The following APPL2 variants were observed in gnomAD, a reference collection of about 807,000 sequenced individuals.
APPL2 encodes adaptor protein, phosphotyrosine interacting with PH domain and leucine zipper 2.
Under a neutral mutation model 92.7 loss-of-function variants are expected in APPL2, and 84 were observed. The ratio of observed to expected loss-of-function variants is 0.91; its 90% CI spans 0.76 to 1.09. The LOEUF (loss-of-function observed/expected upper bound fraction) is 1.09, where lower values mean the gene tolerates loss of function less well. APPL2 is among the 50% of genes least tolerant of loss of function. The pLI is 0.00. For synonymous variants in APPL2, 291 were observed against 291.0 expected (o/e 1.00, Z 0.00); for missense variants, 736 against 824.5 (o/e 0.89, Z 1.31).
Position 105,236,174 on chromosome 12 carries a change from T to G in APPL2, c.-162A>C, listed in dbSNP as rs867204480. The G allele has an allele frequency of 1.6e-5, 1 of 61,992 alleles. No homozygotes were observed. Among genetic ancestry groups the G allele is most frequent in the Non-Finnish European group, 2.5e-5 (1 of 40,390 alleles). 3.8% of individuals were successfully genotyped at this position (61,992 alleles called of 1,614,324 possible). Reference sequence around the variant, plus strand: ...CGCCTGGCCAGTGGCCGCCGCCGCCTGCCCGCCGGCCCAGCCCCCGGCCGA... The same window carrying G: ...CGCCTGGCCAGTGGCCGCCGCCGCCGGCCCGCCGGCCCAGCCCCCGGCCGA... On this transcript the variant is annotated 5_prime_UTR_variant, in exon 1 of 21. Coordinates refer to ENST00000258530, the MANE Select transcript of APPL2 (RefSeq NM_018171.5).
intron 2 of APPL2, among the ~76,000 whole-genome samples, chr12:105,219,685 T>C (rs1226444562): frequency 3.9e-5 from 6 of 152,322 alleles, no homozygotes; most frequent in African/African-American, 9.6e-5. Flanking sequence ...TGAAATAAAA[T>C]ACAAAGCAAT....
At chr12:105,175,378 T>TA (rs1384447330) in intron 20 of APPL2, among the ~76,000 whole-genome samples, 20 of 152,216 alleles carry the variant, frequency 1.3e-4, no homozygotes, top group African/African-American at 4.8e-4. Context: ...ACTGCACTAA[T>TA]ATGGTAGCCA....
At chr12:105,225,625 T>C (rs1325275890) in intron 2 of APPL2, among the ~76,000 whole-genome samples, 1 of 152,224 alleles carries the variant, frequency 6.6e-6, no homozygotes, top group African/African-American at 2.4e-5. Flanking sequence ...TCTTCTCTGT[T>C]AATGCACTGG....
chr12:105,208,119 C>G, intron 6 of APPL2, 39 bp downstream of exon 6: 1 of 1,613,936 alleles, frequency 6.2e-7, no homozygotes, highest in South Asian at 1.1e-5. Flanking sequence ...CCACAGTAAG[C>G]CCACACACCC....
At position 105,199,459 on chromosome 12, in the gene APPL2, T is replaced by G. The variant is rs774909895; in HGVS notation, c.777A>C (p.Glu259Asp). 1.4e-5 allele frequency: 23 copies of G among 1,614,116 alleles called. No homozygotes were observed. In the Admixed American group the frequency reaches 3.5e-4, roughly 25 times the overall value. ...CATCAGAGTCTGGAGTGTAAACAGA[T>G]TCATCAACAGAAAGTAATTCTTGCT... ...VSQQELLSVD[E>D]SVYTPDSDVA... The change falls in exon 10 of 21, where the codon GAA (glutamate) becomes GAC (aspartate). Residue 259 changes from glutamate (E) to aspartate (D), a missense_variant. Transcript: ENST00000258530.
rs1885287349 is a variant in APPL2 at position 105,174,456 on chromosome 12, T to C, written c.1861-8A>G. 2 of 1,610,162 alleles carry C rather than the reference T, an allele frequency of 1.2e-6. No homozygotes were observed. The highest frequency in any genetic ancestry group is 1.7e-5 in the Admixed American group (1 of 59,162). ...AGCCAGTGCTTCTGGATCCTGAAGT[T>C]AGGAGAGTTTAAAAGGGAAAAAAGA... is the stretch of plus-strand genomic sequence containing the variant. On this transcript the variant is annotated splice_polypyrimidine_tract_variant and splice_region_variant and intron_variant, in intron 20 of 20. Transcript: ENST00000258530.
In APPL2 at chr12:105,221,708, T is replaced by C. The variant is rs561630936; in HGVS notation, c.154-3983A>G. ...GGGCCGCTCTGGCTGCCATCTACAC[T>C]ATGCACCGCTTTGTGAGAAGCCCTG... On this transcript the variant is annotated intron_variant, in intron 2 of 20. Coordinates refer to ENST00000258530, the MANE Select transcript of APPL2 (RefSeq NM_018171.5). 6.6e-5 allele frequency among the ~76,000 whole-genome samples: 10 copies of C among 152,282 alleles called. No individual in the cohort carries two copies. The South Asian group carries it at 2.1e-3, about 32-fold the overall frequency.
rs199600748 is a variant in APPL2, at chr12:105,203,823, G to A, written c.622-38C>T. On this transcript the variant is annotated intron_variant, in intron 8 of 20. Transcript: ENST00000258530. ...ATTATAATATTCTGAAAATCATCCAGGGAAGTGATCAGTGAACTCACTGAA... is the reference window on the plus strand; with the variant it reads ...ATTATAATATTCTGAAAATCATCCAAGGAAGTGATCAGTGAACTCACTGAA... 43 of 1,576,314 alleles carry A rather than the reference G, an allele frequency of 2.7e-5. No individual in the cohort carries two copies. The East Asian group carries it at 4.9e-4, about 18-fold the overall frequency.
intron 4 of APPL2, among the ~76,000 whole-genome samples, chr12:105,215,857 T>G (rs1324771678): frequency 6.6e-6 from 1 of 151,800 alleles, no homozygotes; most frequent in East Asian, 1.9e-4. Flanking sequence ...TGGCCAAGAT[T>G]TTTAGTAGGG....
chr12:105,194,329 T>G (rs1029460764), intron 14 of APPL2, among the ~76,000 whole-genome samples: 1 of 152,202 alleles, frequency 6.6e-6, no homozygotes, highest in Non-Finnish European at 1.5e-5. Context: ...GCTGTATGCA[T>G]GAAAATGTTT....
intron 17 of APPL2, among the ~76,000 whole-genome samples, chr12:105,186,736 CAT>C (rs558004993): frequency 3.0e-5 from 4 of 134,668 alleles, no homozygotes; most frequent in African/African-American, 8.4e-5. Context: ...TCATATATAT[CAT>C]ATATATATAA....
intron 2 of APPL2, among the ~76,000 whole-genome samples, chr12:105,228,827 A>G (rs1352569932): frequency 6.6e-6 from 1 of 152,192 alleles, no homozygotes; most frequent in Non-Finnish European, 1.5e-5. Flanking sequence ...CCACTTATTC[A>G]CAAGTAGGAA....
At chr12:105,192,687 C>T (rs957012707) in intron 14 of APPL2, among the ~76,000 whole-genome samples, 4 of 152,184 alleles carry the variant, frequency 2.6e-5, no homozygotes, top group Admixed American at 1.3e-4. Context: ...CCTCTTCACC[C>T]TCCATGACAG....
chr12:105,213,600 C>G (rs1020305718), intron 4 of APPL2, among the ~76,000 whole-genome samples: 4 of 152,230 alleles, frequency 2.6e-5, no homozygotes, highest in Admixed American at 1.3e-4. Flanking sequence ...GTGGAAATCT[C>G]TGTGTGACTT....
intron 8 of APPL2, among the ~76,000 whole-genome samples, chr12:105,205,900 C>T (rs926257376): frequency 2.0e-5 from 3 of 152,224 alleles, no homozygotes; most frequent in Non-Finnish European, 4.4e-5. Flanking sequence ...GGACTGATGC[C>T]GCCCACAGCT....
chr12:105,221,910 C>G (rs1369347865), intron 2 of APPL2, among the ~76,000 whole-genome samples: 2 of 152,236 alleles, frequency 1.3e-5, no homozygotes, highest in Non-Finnish European at 2.9e-5. Flanking sequence ...GCAACTGTCA[C>G]CTGAAACCCC....
chr12:105,207,709 G>A (rs568064645), intron 7 of APPL2, among the ~76,000 whole-genome samples: 32 of 152,210 alleles, frequency 2.1e-4, no homozygotes, highest in Non-Finnish European at 4.1e-4. Context: ...TGAGTCAGAC[G>A]AGGCAGCAAG....
intron 17 of APPL2, 86 bp downstream of exon 17, chr12:105,188,187 G>T: frequency 6.9e-7 from 1 of 1,441,426 alleles, no homozygotes; most frequent in Non-Finnish European, 9.5e-7. Context: ...CTTCATTCCA[G>T]TACTAACATT....
At chr12:105,191,831 C>G (rs1887226153) in intron 14 of APPL2, among the ~76,000 whole-genome samples, 1 of 152,178 alleles carries the variant, frequency 6.6e-6, no homozygotes, top group Non-Finnish European at 1.5e-5. Context: ...TGTTCCTTCT[C>G]AATGTCTTTG....
Sources: gnomAD v4.1 joint callset for allele counts (sites outside exome capture counted in the v4.1 genomes callset) on GRCh38, gnomAD v4.1.1 for gene constraint, MANE v1.5 for transcripts, NCBI Gene and HGNC (gene_info 2026-07-23, HGNC 2026-07-21) for gene names.